The following FTO variants were observed in gnomAD, a reference collection of about 807,000 sequenced individuals.
FTO encodes the protein alpha-ketoglutarate-dependent dioxygenase FTO.
In FTO, 47 loss-of-function variants were observed where a neutral mutation model predicts 63.9. That is an observed-to-expected ratio of 0.74 (90% CI 0.58 to 0.94). The LOEUF (loss-of-function observed/expected upper bound fraction) is 0.94. FTO is among the 40% of genes least tolerant of loss of function. The probability of loss-of-function intolerance (pLI) is 0.00; values close to 1 mark genes in which losing one functional copy is unlikely to be tolerated. For synonymous variants in FTO, 207 were observed against 224.4 expected (o/e 0.92, Z 0.69); for missense variants, 562 against 618.1 (o/e 0.91, Z 0.96).
chr16:53,950,176 A>C (rs929080855), intron 8 of FTO, among the ~76,000 whole-genome samples: 4 of 147,634 alleles, frequency 2.7e-5, no homozygotes, highest in African/African-American at 1.0e-4. Context: ...AAAAAAAAAA[A>C]AAACTTAATC....
intron 8 of FTO, chr16:54,072,510 A>G (rs1344737291): frequency 6.6e-6 from 1 of 152,190 alleles, no homozygotes; most frequent in Non-Finnish European, 1.5e-5. Context: ...CATTCCTTCC[A>G]GTTATTTATA....
chr16:53,819,524 GGT>G (rs771844559), intron 2 of FTO, among the ~76,000 whole-genome samples: 2 of 151,690 alleles, frequency 1.3e-5, no homozygotes, highest in South Asian at 4.2e-4. Context: ...CTTGTGAATG[GGT>G]GTGTGTGTGT....
intron 3 of FTO, among the ~76,000 whole-genome samples, chr16:53,839,722 C>A (rs1378281793): frequency 7.0e-6 from 1 of 141,982 alleles, no homozygotes. Context: ...AAAAACTGTT[C>A]CTTACAGTTT....
chr16:53,761,472 A>G (rs1055919561), intron 1 of FTO, among the ~76,000 whole-genome samples: 2 of 152,172 alleles, frequency 1.3e-5, no homozygotes, highest in African/African-American at 4.8e-5. Context: ...TTTTGAATCC[A>G]CCATGTTAGA....
chr16:53,767,145 A>G (rs1001427439), intron 1 of FTO, among the ~76,000 whole-genome samples: 2 of 152,164 alleles, frequency 1.3e-5, no homozygotes, highest in Admixed American at 6.5e-5. Flanking sequence ...CTCCACTGTT[A>G]TAAGTGGTGT....
At chr16:53,859,316 T>C (rs999839271) in intron 4 of FTO, among the ~76,000 whole-genome samples, 5 of 152,046 alleles carry the variant, frequency 3.3e-5, no homozygotes, top group Admixed American at 6.6e-5. Flanking sequence ...TCATATCCAA[T>C]TTTCCATTAG....
chr16:53,852,989 A>G (rs1350504954), intron 4 of FTO, among the ~76,000 whole-genome samples: 2 of 152,158 alleles, frequency 1.3e-5, no homozygotes, highest in African/African-American at 2.4e-5. Flanking sequence ...ACCTTTGCCA[A>G]TTCCATTAAA....
At chr16:53,931,018 C>G (rs2082268207) in intron 7 of FTO, among the ~76,000 whole-genome samples, 2 of 152,270 alleles carry the variant, frequency 1.3e-5, no homozygotes, top group Admixed American at 1.3e-4. Flanking sequence ...CAGGCGACAT[C>G]CCCTTTCTTT....
At chr16:53,925,913 A>C (rs1262131512) in intron 7 of FTO, among the ~76,000 whole-genome samples, 1 of 152,078 alleles carries the variant, frequency 6.6e-6, no homozygotes, top group Non-Finnish European at 1.5e-5. Context: ...GGCTCCTTAG[A>C]GTTCTTGGCT....
intron 8 of FTO, among the ~76,000 whole-genome samples, chr16:53,940,723 G>A (rs185301851): frequency 7.4e-4 from 113 of 152,258 alleles, no homozygotes; most frequent in Admixed American, 1.4e-3. Flanking sequence ...AAGTTTCTTC[G>A]AAAAGCTTTT....
rs202178298 is a variant in FTO, at chr16:53,888,885, G to A, written c.1173G>A (p.Lys391=). 138 of 1,613,942 alleles carry A rather than the reference G, an allele frequency of 8.6e-5. No homozygotes were observed. The highest frequency in any genetic ancestry group is 1.1e-4 in the Non-Finnish European group (133 of 1,179,910). Residue 391 remains lysine (K), a synonymous_variant, in exon 7 of 9, where the codon AAG becomes AAA. Coordinates refer to ENST00000471389, the MANE Select transcript of FTO (RefSeq NM_001080432.3). ...GGTTTCAAGGCAATCGATACAGAAA[G>A]TGCACTGACTGGTGGTGTCAACCCA... ...QFWFQGNRYR[K]CTDWWCQPMA...
chr16:53,857,059 T>C (rs1176440187), intron 4 of FTO, among the ~76,000 whole-genome samples: 1 of 140,058 alleles, frequency 7.1e-6, no homozygotes, highest in Non-Finnish European at 1.5e-5. Flanking sequence ...ACTGTTGTTA[T>C]TGGTATGGAA....
chr16:53,990,021 A>G (rs1187442472), intron 8 of FTO, among the ~76,000 whole-genome samples: 1 of 149,954 alleles, frequency 6.7e-6, no homozygotes, highest in Non-Finnish European at 1.5e-5. Context: ...GTGTGTACAT[A>G]TAAAAAATAT....
In FTO at chr16:54,111,950, G is replaced by C; in HGVS notation, c.*35G>C. 6.2e-7 allele frequency: 1 copy of C among 1,613,198 alleles called. No individual in the cohort carries two copies. Among genetic ancestry groups the C allele is most frequent in the South Asian group, 1.1e-5 (1 of 91,032 alleles). On this transcript the variant is annotated 3_prime_UTR_variant, in exon 9 of 9. Coordinates refer to ENST00000471389, the MANE Select transcript of FTO (RefSeq NM_001080432.3). ...AAGTCTCAGGCGGAGGAGAAAAAGA[G>C]ATCGGCTTTTCTCCTCCAACGTTGT...
chr16:53,793,094 G>C (rs910313284), intron 1 of FTO, among the ~76,000 whole-genome samples: 1 of 152,184 alleles, frequency 6.6e-6, no homozygotes, highest in South Asian at 2.1e-4. Context: ...GGAGTCAAAA[G>C]AAGTTTGAAA....
intron 8 of FTO, among the ~76,000 whole-genome samples, chr16:54,006,096 G>A (rs1222795755): frequency 6.6e-6 from 1 of 152,202 alleles, no homozygotes; most frequent in African/African-American, 2.4e-5. Context: ...TGGGACATAT[G>A]ATGGGAAAGT....
At chr16:53,873,468 A>G (rs565727841) in intron 4 of FTO, among the ~76,000 whole-genome samples, 1 of 149,538 alleles carries the variant, frequency 6.7e-6, no homozygotes, top group East Asian at 1.9e-4. Context: ...ATCTACTTAT[A>G]TATACTTGCA....
intron 3 of FTO, 36 bp from the exon 4 acceptor site, chr16:53,844,119 C>G: frequency 6.3e-7 from 1 of 1,586,174 alleles, no homozygotes; most frequent in Non-Finnish European, 8.7e-7. Flanking sequence ...TTAGATTAAA[C>G]ATTTCCTTTC....
At chr16:53,885,164 G>A (rs2080965763) in intron 6 of FTO, among the ~76,000 whole-genome samples, 1 of 152,182 alleles carries the variant, frequency 6.6e-6, no homozygotes, top group Non-Finnish European at 1.5e-5. Context: ...TTGGTTTTGT[G>A]CAGTGTCCAT....
Sources: allele counts gnomAD v4.1 joint callset (sites outside exome capture counted in the v4.1 genomes callset), GRCh38; gene constraint gnomAD v4.1.1; transcripts MANE v1.5; gene names NCBI Gene and HGNC (gene_info 2026-07-23, HGNC 2026-07-21).